The following PHTF2 variants were observed in gnomAD, a reference collection of about 807,000 sequenced individuals.
PHTF2 encodes protein PHTF2.
A neutral mutation model predicts 101.2 loss-of-function variants in PHTF2; 60 were observed. The observed-to-expected ratio is 0.59, with a 90% CI of 0.48 to 0.73. The LOEUF is 0.73. Ranked by LOEUF, PHTF2 falls within the 30% of genes least tolerant of loss-of-function variation. The probability of loss-of-function intolerance (pLI) is 0.00; values close to 1 mark genes in which losing one functional copy is unlikely to be tolerated. For missense variants in PHTF2, 747 were observed against 908.7 expected, an observed-to-expected ratio of 0.82 and a Z score of 2.29; for synonymous variants, 311 against 307.3, an observed-to-expected ratio of 1.01 and a Z score of -0.13.
At chr7:77,889,505 C>CA (rs972803140) in intron 3 of PHTF2, among the ~76,000 whole-genome samples, 19 of 149,786 alleles carry the variant, frequency 1.3e-4, no homozygotes, top group Non-Finnish European at 2.7e-4. Flanking sequence ...AGCGTCCTCA[C>CA]AAAAAAACTA....
intron 8 of PHTF2, 95 bp downstream of exon 7, chr7:77,909,053 A>T: frequency 1.4e-6 from 1 of 699,130 alleles, no homozygotes; most frequent in South Asian, 3.1e-5. Context: ...CTAAAATCTT[A>T]TCTTGTAAGG....
At position 77,862,011 on chromosome 7, in the gene PHTF2, C is replaced by T. The variant is rs542243385; in HGVS notation, c.147+7177C>T. On this transcript the variant is annotated intron_variant, in intron 3 of 19. Transcript: ENST00000416283. The stretch of plus-strand genomic sequence containing the variant: ...AGCGGAGGTTGCAGTGAGCCAAGAT[C>T]GTGCCATTGCACTCCAGCCTGGGCA... Among the ~76,000 whole-genome samples the T allele has an allele frequency of 1.2e-4, 18 of 150,196 alleles. No homozygotes were observed. In the South Asian group the frequency reaches 3.4e-3, roughly 28 times the overall value.
At chr7:77,846,906 G>T (rs962881497) in intron 2 of PHTF2, among the ~76,000 whole-genome samples, 2 of 152,076 alleles carry the variant, frequency 1.3e-5, no homozygotes, top group Non-Finnish European at 2.9e-5. Context: ...GCCTCCCAAA[G>T]TGTCGACATT....
intron 1 of PHTF2, among the ~76,000 whole-genome samples, chr7:77,833,528 G>C (rs1475054095): frequency 1.3e-5 from 2 of 152,210 alleles, no homozygotes; most frequent in African/African-American, 4.8e-5. Flanking sequence ...TGGGGAGGCT[G>C]AGGTAAGAAG....
At chr7:77,931,679 A>G (rs563803709) in intron 12 of PHTF2, among the ~76,000 whole-genome samples, 11 of 152,348 alleles carry the variant, frequency 7.2e-5, no homozygotes, top group Admixed American at 7.2e-4. Context: ...GAAGTTCTAT[A>G]TATTCTAGGA....
chr7:77,955,775 C>T (rs535736512), exon 20 of PHTF2: 2 of 152,600 alleles, frequency 1.3e-5, no homozygotes, highest in South Asian at 2.1e-4. Context: ...ATGGTACACT[C>T]TAGTGTAGGC....
chr7:77,862,905 A>G (rs1797759824), intron 3 of PHTF2, among the ~76,000 whole-genome samples: 1 of 152,242 alleles, frequency 6.6e-6, no homozygotes, highest in Non-Finnish European at 1.5e-5. Context: ...AACCTGCTGT[A>G]TGTTTACAGT....
At chr7:77,907,132 A>C (rs893276881) in intron 7 of PHTF2, among the ~76,000 whole-genome samples, 4 of 152,156 alleles carry the variant, frequency 2.6e-5, no homozygotes, top group Admixed American at 6.5e-5. Flanking sequence ...AACTTGATAA[A>C]AGTCACATTA....
At chr7:77,923,684 T>TA in intron 11 of PHTF2, 2 of 985,406 alleles carry the variant, frequency 2.0e-6, no homozygotes, top group African/African-American at 1.7e-5. Context: ...TTCTTGTTCC[T>TA]AAGCCAGATA....
intron 10 of PHTF2, among the ~76,000 whole-genome samples, chr7:77,921,604 C>A (rs1803467505): frequency 6.6e-6 from 1 of 152,166 alleles, no homozygotes; most frequent in African/African-American, 2.4e-5. Context: ...TAGTCCCTTA[C>A]TCTGATTTTA....
chr7:77,841,075 C>CTTTTTTTTTCTTTTT (rs1795834402), intron 2 of PHTF2, among the ~76,000 whole-genome samples: 1 of 77,286 alleles, frequency 1.3e-5, no homozygotes, highest in African/African-American at 6.7e-5. Flanking sequence ...AAAAAACAGA[C>CTTTTTTTTTCTTTTT]TTTTTTTTTT....
At chr7:77,895,392 ATAGT>A in intron 5 of PHTF2, among the ~76,000 whole-genome samples, 1 of 152,232 alleles carries the variant, frequency 6.6e-6, no homozygotes, top group South Asian at 2.1e-4. Flanking sequence ...CCATGAGAAA[ATAGT>A]ATGGAGAGAG....
intron 1 of PHTF2, among the ~76,000 whole-genome samples, chr7:77,811,302 GTGA>G (rs2150487935): frequency 6.6e-6 from 1 of 152,328 alleles, no homozygotes; most frequent in Non-Finnish European, 1.5e-5. Flanking sequence ...CCTGTTACTG[GTGA>G]TGATAACTTT....
At chr7:77,920,784 C>T (rs1803385028) in intron 10 of PHTF2, among the ~76,000 whole-genome samples, 1 of 152,116 alleles carries the variant, frequency 6.6e-6, no homozygotes, top group African/African-American at 2.4e-5. Context: ...CAGGCACAAA[C>T]GATCTTCCCA....
At chr7:77,808,901 A>G (rs1197934224) in intron 1 of PHTF2, among the ~76,000 whole-genome samples, 1 of 152,132 alleles carries the variant, frequency 6.6e-6, no homozygotes, top group African/African-American at 2.4e-5. Context: ...TTTTTTTCTA[A>G]CTTTTTAGTT....
At chr7:77,938,861 T>C (rs1004428084) in intron 13 of PHTF2, among the ~76,000 whole-genome samples, 1 of 152,252 alleles carries the variant, frequency 6.6e-6, no homozygotes, top group African/African-American at 2.4e-5. Flanking sequence ...CTAAATTTCT[T>C]TGGTGCATTA....
intron 19 of PHTF2, among the ~76,000 whole-genome samples, chr7:77,954,418 G>T (rs1007317847): frequency 2.6e-5 from 4 of 152,066 alleles, no homozygotes; most frequent in African/African-American, 9.7e-5. Flanking sequence ...GCAGGTGTGA[G>T]CCACCGCGCC....
In PHTF2 at chr7:77,802,685, C is replaced by A. The variant is rs367650501; in HGVS notation, c.-36+3714C>A. Among the ~76,000 whole-genome samples, 9 of 152,202 alleles carry A rather than the reference C, an allele frequency of 5.9e-5. No homozygotes were observed. The East Asian group carries it at 1.7e-3, about 29-fold the overall frequency. ...GAGTAGCTAGACCTGCAGGCATGCA[C>A]CACTGTGTCCAGCTAATGTTTTAAT... On this transcript the variant is annotated intron_variant, in intron 1 of 19. Coordinates refer to ENST00000416283, the Ensembl canonical transcript of PHTF2.
At chr7:77,848,708 G>T (rs576988571) in intron 2 of PHTF2, among the ~76,000 whole-genome samples, 1 of 152,036 alleles carries the variant, frequency 6.6e-6, no homozygotes, top group Non-Finnish European at 1.5e-5. Context: ...TTTTTAACTT[G>T]GTGTAATTGC....
Sources: gnomAD v4.1 joint callset for allele counts (sites outside exome capture counted in the v4.1 genomes callset) on GRCh38, gnomAD v4.1.1 for gene constraint, MANE v1.5 for transcripts, NCBI Gene and HGNC (gene_info 2026-07-23, HGNC 2026-07-21) for gene names.